The following MECOM variants were observed in gnomAD, a reference collection of about 807,000 sequenced individuals.
MECOM encodes the protein MDS1 and EVI1 complex locus.
In MECOM, 13 loss-of-function variants were observed where a neutral mutation model predicts 116.3. The ratio of observed to expected loss-of-function variants is 0.11; its 90% CI spans 0.07 to 0.18. MECOM has a LOEUF of 0.18. MECOM is among the 10% of genes least tolerant of loss of function. The pLI is 1.00. For missense variants in MECOM, 1,299 were observed against 1,509.0 expected (o/e 0.86, Z 2.31); for synonymous variants, 528 against 535.2 (o/e 0.99, Z 0.19).
chr3:169,662,938 T>TC (rs1553910590), intron 1 of MECOM, among the ~76,000 whole-genome samples: 22 of 143,654 alleles, frequency 1.5e-4, no homozygotes. Context: ...GAGGCAACTC[T>TC]CCCCCGCCTG....
At chr3:169,349,407 G>A (rs565166031) in intron 2 of MECOM, among the ~76,000 whole-genome samples, 1 of 151,772 alleles carries the variant, frequency 6.6e-6, no homozygotes, top group South Asian at 2.1e-4. Flanking sequence ...GCCACTTCAC[G>A]CTCTAGTGGG....
At chr3:169,170,139 G>A (rs546242947) in intron 2 of MECOM, among the ~76,000 whole-genome samples, 189 of 152,134 alleles carry the variant, frequency 1.2e-3, no homozygotes, top group African/African-American at 4.4e-3. Flanking sequence ...TAGTCCAGGC[G>A]TGGTGGCTCA....
chr3:169,456,497 T>C (rs942447158), intron 1 of MECOM, among the ~76,000 whole-genome samples: 4 of 152,096 alleles, frequency 2.6e-5, no homozygotes, highest in African/African-American at 4.8e-5. Flanking sequence ...AACAATAATA[T>C]GGTAAATGGC....
chr3:169,322,858 C>T (rs967855450), intron 2 of MECOM, among the ~76,000 whole-genome samples: 6 of 151,618 alleles, frequency 4.0e-5, no homozygotes, highest in Admixed American at 3.3e-4. Flanking sequence ...ATTAGCCAGC[C>T]ATGTTGGCAT....
chr3:169,483,370 A>G (rs1224779022), intron 1 of MECOM, among the ~76,000 whole-genome samples: 2 of 150,234 alleles, frequency 1.3e-5, no homozygotes, highest in African/African-American at 4.9e-5. Context: ...ACTTTTTAAA[A>G]TCAAACAGTC....
intron 1 of MECOM, among the ~76,000 whole-genome samples, chr3:169,503,965 T>C (rs531847757): frequency 6.6e-6 from 1 of 152,100 alleles, no homozygotes; most frequent in Non-Finnish European, 1.5e-5. Context: ...TAAAACTCTG[T>C]TTAAAGCTAT....
chr3:169,096,062 A>G (rs1189855439), intron 12 of MECOM, among the ~76,000 whole-genome samples: 2 of 152,072 alleles, frequency 1.3e-5, no homozygotes, highest in Non-Finnish European at 2.9e-5. Flanking sequence ...TTATTTTTAA[A>G]GTTTTCCTTT....
intron 2 of MECOM, among the ~76,000 whole-genome samples, chr3:169,239,708 A>T (rs1754543518): frequency 6.6e-6 from 1 of 152,082 alleles, no homozygotes; most frequent in Non-Finnish European, 1.5e-5. Flanking sequence ...AAGAAATTGT[A>T]TTTTTTTCTA....
chr3:169,544,166 A>G (rs1457391311), intron 1 of MECOM, among the ~76,000 whole-genome samples: 1 of 152,156 alleles, frequency 6.6e-6, no homozygotes, highest in African/African-American at 2.4e-5. Context: ...GACTATTTTG[A>G]GTGACTTAAC....
intron 2 of MECOM, among the ~76,000 whole-genome samples, chr3:169,193,231 T>G (rs1025937340): frequency 6.6e-6 from 1 of 152,038 alleles, no homozygotes; most frequent in African/African-American, 2.4e-5. Flanking sequence ...CTTGACTTAA[T>G]CATAGTTGAC....
intron 2 of MECOM, among the ~76,000 whole-genome samples, chr3:169,237,301 T>C (rs766177025): frequency 1.4e-4 from 21 of 152,170 alleles, no homozygotes; most frequent in South Asian, 6.2e-4. Context: ...ACATCTTCAA[T>C]GTAATACTGA....
chr3:169,162,792 G>C (rs1295213760), intron 2 of MECOM, among the ~76,000 whole-genome samples: 1 of 152,038 alleles, frequency 6.6e-6, no homozygotes, highest in Non-Finnish European at 1.5e-5. Context: ...CTCAGTGCTG[G>C]GTGAATCTGT....
In MECOM at chr3:169,498,043, A is replaced by G. The variant is rs1334915619; in HGVS notation, c.38-116519T>C. Among the ~76,000 whole-genome samples, 4 of 152,320 alleles carry G rather than the reference A, an allele frequency of 2.6e-5. No individual in the cohort carries two copies. In the East Asian group the frequency reaches 7.7e-4, roughly 29 times the overall value. On this transcript the variant is annotated intron_variant, in intron 1 of 16. Transcript: ENST00000651503. ...AAACTCCTTCAGACTTCAACTGAAT[A>G]TGCGCTTTATTTCTGTTCTCTCTAT...
At chr3:169,404,302 C>G (rs1736320833) in intron 1 of MECOM, among the ~76,000 whole-genome samples, 1 of 152,052 alleles carries the variant, frequency 6.6e-6, no homozygotes, top group East Asian at 1.9e-4. Context: ...CACACACACA[C>G]CACCACACAA....
chr3:169,393,494 G>T (rs1424549954), intron 1 of MECOM, among the ~76,000 whole-genome samples: 7 of 152,124 alleles, frequency 4.6e-5, no homozygotes, highest in African/African-American at 1.7e-4. Context: ...TCTCAAAAAA[G>T]GAGCTTTTCA....
chr3:169,474,715 G>C (rs1407629321), intron 1 of MECOM, among the ~76,000 whole-genome samples: 1 of 152,076 alleles, frequency 6.6e-6, no homozygotes, highest in African/African-American at 2.4e-5. Flanking sequence ...AAAACTCTGA[G>C]TTTTTTATGC....
chr3:169,292,545 A>G (rs1234130418), intron 2 of MECOM, among the ~76,000 whole-genome samples: 1 of 152,096 alleles, frequency 6.6e-6, no homozygotes, highest in Non-Finnish European at 1.5e-5. Flanking sequence ...AATTTAGGAG[A>G]TGCAAGATAT....
chr3:169,573,403 A>G lies in MECOM; in HGVS notation c.37+89933T>C, dbSNP rs546951485. Among the ~76,000 whole-genome samples, 4 of 152,346 alleles carry G rather than the reference A, an allele frequency of 2.6e-5. No individual in the cohort carries two copies. The East Asian group carries it at 7.7e-4, about 29-fold the overall frequency. On this transcript the variant is annotated intron_variant, in intron 1 of 16. Coordinates refer to ENST00000651503, the MANE Select transcript of MECOM (RefSeq NM_004991.4). ...CTGGAATCTTGGAAAGGGAGAAATT[A>G]TGGCATTCATGATATTGTAGGCTCC...
intron 2 of MECOM, among the ~76,000 whole-genome samples, chr3:169,154,443 T>C (rs1471410692): frequency 6.6e-6 from 1 of 152,184 alleles, no homozygotes; most frequent in Non-Finnish European, 1.5e-5. Context: ...GATCAGGTCC[T>C]TCCTTGACTT....
Sources: gnomAD v4.1 joint callset for allele counts (sites outside exome capture counted in the v4.1 genomes callset) on GRCh38, gnomAD v4.1.1 for gene constraint, MANE v1.5 for transcripts, NCBI Gene and HGNC (gene_info 2026-07-23, HGNC 2026-07-21) for gene names.